Variants in CAST observed in about 807,000 individuals in gnomAD.
CAST encodes calpastatin.
CAST carries 76 observed loss-of-function variants against 119.6 expected under a neutral mutation model. That is an observed-to-expected ratio of 0.64 (90% CI 0.53 to 0.77). The LOEUF is 0.77. Ranked by LOEUF, CAST falls within the 30% of genes least tolerant of loss-of-function variation. CAST has a pLI of 0.00. For missense variants in CAST, 953 were observed against 946.5 expected (o/e 1.01, Z -0.09); for synonymous variants, 319 against 331.6 (o/e 0.96, Z 0.41).
At chr5:96,448,090 T>A in the CAST span, among the ~76,000 whole-genome samples, 1 of 152,074 alleles carries the variant, frequency 6.6e-6, no homozygotes, top group African/African-American at 2.4e-5. Flanking sequence ...TCAGGGCATC[T>A]GTCTGGAATA....
At chr5:96,660,137 A>G (rs1296005268), upstream of CAST, among the ~76,000 whole-genome samples, 1 of 152,186 alleles carries the variant, frequency 6.6e-6, no homozygotes, top group Non-Finnish European at 1.5e-5. Context: ...ACTCCATTAC[A>G]TAGACCCTCC....
At chr5:96,039,131 A>G in the CAST span, among the ~76,000 whole-genome samples, 1 of 152,184 alleles carries the variant, frequency 6.6e-6, no homozygotes, top group African/African-American at 2.4e-5. Context: ...AGTGATGATG[A>G]ACATTTTTTC....
chr5:96,109,918 T>C, the CAST span, among the ~76,000 whole-genome samples: 1 of 150,624 alleles, frequency 6.6e-6, no homozygotes, highest in Non-Finnish European at 1.5e-5. Context: ...ATATTTAAAG[T>C]ACATGTAAAA....
chr5:96,233,464 T>G, the CAST span, among the ~76,000 whole-genome samples: 1 of 152,130 alleles, frequency 6.6e-6, no homozygotes, highest in Non-Finnish European at 1.5e-5. Flanking sequence ...TTTAAAATAC[T>G]TCAAAAAACA....
intron 3 of CAST, among the ~76,000 whole-genome samples, chr5:96,715,452 G>A (rs1315074922): frequency 2.0e-5 from 3 of 152,150 alleles, no homozygotes; most frequent in African/African-American, 4.8e-5. Flanking sequence ...GGACATTATT[G>A]TCATATCTGT....
At chr5:96,012,807 C>T in the CAST span, among the ~76,000 whole-genome samples, 3 of 152,142 alleles carry the variant, frequency 2.0e-5, no homozygotes, top group Non-Finnish European at 4.4e-5. Flanking sequence ...TGGCTAATGG[C>T]ATAGGGTTAG....
the CAST span, among the ~76,000 whole-genome samples, chr5:96,481,737 T>C: frequency 6.6e-6 from 1 of 152,316 alleles, no homozygotes; most frequent in East Asian, 1.9e-4. Flanking sequence ...TTTTGAAAAC[T>C]TCCAATAAAG....
At chr5:96,293,885 G>A in the CAST span, among the ~76,000 whole-genome samples, 7 of 151,780 alleles carry the variant, frequency 4.6e-5, no homozygotes, top group African/African-American at 1.2e-4. Flanking sequence ...TCAGCCTCCC[G>A]AGTAGCTGGG....
chr5:96,447,877 A>G, the CAST span, among the ~76,000 whole-genome samples: 1 of 152,022 alleles, frequency 6.6e-6, no homozygotes, highest in Non-Finnish European at 1.5e-5. Flanking sequence ...TTGAAACCCC[A>G]TGTCCGCTCT....
intron 1 of CAST, among the ~76,000 whole-genome samples, chr5:96,583,481 G>A (rs1159060738): frequency 6.6e-6 from 1 of 152,112 alleles, no homozygotes; most frequent in African/African-American, 2.4e-5. Flanking sequence ...TTAAAGTAAA[G>A]CTTAACATGG....
chr5:96,546,632 G>A (rs1746022185), intron 1 of CAST: 1 of 152,104 alleles, frequency 6.6e-6, no homozygotes, highest in Admixed American at 6.6e-5. Flanking sequence ...GATCCACACA[G>A]TATCTCTATT....
At chr5:96,388,545 G>C in the CAST span, among the ~76,000 whole-genome samples, 1 of 152,186 alleles carries the variant, frequency 6.6e-6, no homozygotes, top group Non-Finnish European at 1.5e-5. Flanking sequence ...GGCCAAAGTA[G>C]ATTGCATGGT....
the CAST span, among the ~76,000 whole-genome samples, chr5:96,456,389 CA>C: frequency 6.6e-6 from 1 of 152,182 alleles, no homozygotes; most frequent in Non-Finnish European, 1.5e-5. Context: ...ATTCCCTTTG[CA>C]GGTTTTCCTA....
At chr5:96,072,232 C>T in the CAST span, among the ~76,000 whole-genome samples, 1 of 151,960 alleles carries the variant, frequency 6.6e-6, no homozygotes, top group African/African-American at 2.4e-5. Flanking sequence ...AAGGCCTGAC[C>T]CTCGTGGTTG....
At chr5:96,277,713 A>G in the CAST span, among the ~76,000 whole-genome samples, 1 of 152,132 alleles carries the variant, frequency 6.6e-6, no homozygotes, top group East Asian at 1.9e-4. Flanking sequence ...TGCTAAAAAT[A>G]TAGTCTCAAA....
chr5:96,120,386 T>C, the CAST span, among the ~76,000 whole-genome samples: 1 of 152,126 alleles, frequency 6.6e-6, no homozygotes, highest in Non-Finnish European at 1.5e-5. Flanking sequence ...TCCAGAGATA[T>C]TGCCCTGTAA....
the CAST span, among the ~76,000 whole-genome samples, chr5:96,237,692 TCTATTGAGA>T: frequency 1.2e-4 from 18 of 152,178 alleles, no homozygotes; most frequent in African/African-American, 4.1e-4. Context: ...ACATGTAATT[TCTATTGAGA>T]CTTTAAGTAT....
the CAST span, among the ~76,000 whole-genome samples, chr5:96,502,614 GTCTT>G: frequency 0.1 from 14,929 of 143,102 alleles, 979 homozygotes; most frequent in East Asian, 0.29. Flanking sequence ...AAGTTACCTA[GTCTT>G]TCTTTCTTTC....
chr5:96,228,049 G>T, the CAST span, among the ~76,000 whole-genome samples: 1 of 152,062 alleles, frequency 6.6e-6, no homozygotes, highest in Non-Finnish European at 1.5e-5. Context: ...GTATGTGTGT[G>T]TCTGTGATTA....
Sources: allele counts gnomAD v4.1 joint callset (sites outside exome capture counted in the v4.1 genomes callset), GRCh38; gene constraint gnomAD v4.1.1; transcripts MANE v1.5; gene names NCBI Gene and HGNC (gene_info 2026-07-23, HGNC 2026-07-21).